DCPH1: variants seen among roughly 807,000 people sequenced by gnomAD.
DCPH1 encodes the protein damage control phosphatase 1.
the DCPH1 span, among the ~76,000 whole-genome samples, chr6:151,461,962 C>G: frequency 0.011 from 1,713 of 152,270 alleles, 25 homozygotes; most frequent in African/African-American, 0.039. Context: ...TCTTAAATGT[C>G]TAATTTTTAG....
the DCPH1 span, chr6:151,468,807 G>C: frequency 3.1e-6 from 5 of 1,614,216 alleles, no homozygotes; most frequent in Non-Finnish European, 4.2e-6. Context: ...TGCCTCATGA[G>C]TACTGTGCAA....
the DCPH1 span, chr6:151,458,697 AATAGCATT>A: frequency 1.4e-6 from 1 of 702,840 alleles, no homozygotes; most frequent in African/African-American, 1.8e-5. Flanking sequence ...AGCAAATCTT[AATAGCATT>A]GTTGGACATT....
the DCPH1 span, among the ~76,000 whole-genome samples, chr6:151,453,824 A>G: frequency 6.6e-6 from 1 of 152,336 alleles, no homozygotes; most frequent in East Asian, 1.9e-4. Flanking sequence ...GTTTTGTATG[A>G]ATAAAATCAA....
At chr6:151,458,335 T>C in the DCPH1 span, 1 of 1,610,122 alleles carries the variant, frequency 6.2e-7, no homozygotes. Flanking sequence ...CAGGAAGGCG[T>C]GGAAGCTGAA....
At chr6:151,452,561 G>C in the DCPH1 span, 1 of 1,611,770 alleles carries the variant, frequency 6.2e-7, no homozygotes, top group Middle Eastern at 1.7e-4. Context: ...TGTCGTCCCG[G>C]CGTCTCTCTC....
At chr6:151,455,854 T>A in the DCPH1 span, among the ~76,000 whole-genome samples, 4 of 152,286 alleles carry the variant, frequency 2.6e-5, no homozygotes, top group African/African-American at 4.8e-5. Flanking sequence ...AATACCTGGC[T>A]TTCCTAGGCA....
chr6:151,458,315 T>C, the DCPH1 span: 13 of 1,606,142 alleles, frequency 8.1e-6, no homozygotes, highest in South Asian at 5.5e-5. Context: ...TTATTTTTCT[T>C]GTATTTTTGC....
the DCPH1 span, among the ~76,000 whole-genome samples, chr6:151,453,141 A>C: frequency 6.6e-6 from 1 of 152,232 alleles, no homozygotes; most frequent in Non-Finnish European, 1.5e-5. Flanking sequence ...CACTTTGAAG[A>C]AAATAAACCT....
At chr6:151,456,028 CAT>C in the DCPH1 span, among the ~76,000 whole-genome samples, 2 of 152,224 alleles carry the variant, frequency 1.3e-5, no homozygotes, top group Non-Finnish European at 2.9e-5. Context: ...TGACACAGCA[CAT>C]GTTTCAGAGA....
At chr6:151,468,412 G>A in the DCPH1 span, 2 of 1,604,362 alleles carry the variant, frequency 1.2e-6, no homozygotes, top group Non-Finnish European at 1.7e-6. Context: ...GAATACCAAT[G>A]TACTAAATTC....
At chr6:151,452,874 C>G in the DCPH1 span, 3 of 340,666 alleles carry the variant, frequency 8.8e-6, no homozygotes, top group Middle Eastern at 7.8e-4. Flanking sequence ...CTTTAATAGA[C>G]GCGCTTTGGG....
At chr6:151,453,788 A>G in the DCPH1 span, among the ~76,000 whole-genome samples, 1 of 152,234 alleles carries the variant, frequency 6.6e-6, no homozygotes, top group Non-Finnish European at 1.5e-5. Flanking sequence ...TTAGAATGAT[A>G]TAAAATGATA....
At chr6:151,464,875 TA>T in the DCPH1 span, among the ~76,000 whole-genome samples, 2 of 152,232 alleles carry the variant, frequency 1.3e-5, no homozygotes, top group Non-Finnish European at 2.9e-5. Flanking sequence ...TACTTCATAG[TA>T]ATTTGCTTAG....
At chr6:151,464,523 A>C in the DCPH1 span, 1 of 1,611,148 alleles carries the variant, frequency 6.2e-7, no homozygotes, top group Non-Finnish European at 8.5e-7. Context: ...ACAGGAATCC[A>C]TCATTGCTTT....
At chr6:151,458,668 C>G in the DCPH1 span, 2 of 1,086,884 alleles carry the variant, frequency 1.8e-6, no homozygotes, top group South Asian at 1.6e-5. Flanking sequence ...CCAGTGGAAG[C>G]TTGAATTTGG....
chr6:151,452,653 T>C, the DCPH1 span: 1 of 1,483,860 alleles, frequency 6.7e-7, no homozygotes, highest in Non-Finnish European at 9.1e-7. Context: ...CTGTGGGGAC[T>C]AAGCGGAGGG....
At chr6:151,455,937 ACT>A in the DCPH1 span, among the ~76,000 whole-genome samples, 66 of 152,312 alleles carry the variant, frequency 4.3e-4, no homozygotes, top group Admixed American at 1.2e-3. Flanking sequence ...AGTGGTGATG[ACT>A]CTCAAGGAGT....
At chr6:151,467,792 G>A in the DCPH1 span, among the ~76,000 whole-genome samples, 3 of 152,130 alleles carry the variant, frequency 2.0e-5, no homozygotes, top group Non-Finnish European at 2.9e-5. Context: ...ATTACAATGG[G>A]TCTTTAGTTA....
chr6:151,454,426 GTCTA>G, the DCPH1 span: 34 of 624,684 alleles, frequency 5.4e-5, no homozygotes, highest in Middle Eastern at 3.1e-4. Flanking sequence ...TACAATACTT[GTCTA>G]TCTTTTAATA....
Sources: allele counts gnomAD v4.1 joint callset (sites outside exome capture counted in the v4.1 genomes callset), GRCh38; gene constraint gnomAD v4.1.1; transcripts MANE v1.5; gene names NCBI Gene and HGNC (gene_info 2026-07-23, HGNC 2026-07-21).